SIPA1L2: variants seen among roughly 807,000 people sequenced by gnomAD.
SIPA1L2 encodes signal induced proliferation associated 1 like 2.
SIPA1L2 carries 56 observed loss-of-function variants against 163.9 expected under a neutral mutation model. The ratio of observed to expected loss-of-function variants is 0.34; its 90% confidence interval spans 0.28 to 0.43. SIPA1L2 has a LOEUF of 0.43. Among genes scored for constraint, SIPA1L2 ranks in the 20% least tolerant of loss-of-function variants. The pLI, the probability that SIPA1L2 is intolerant of heterozygous loss-of-function variation, is 1.00. For synonymous variants in SIPA1L2, 877 were observed against 865.7 expected (o/e 1.01, Z -0.23); for missense variants, 1,974 against 2,193.5 (o/e 0.90, Z 2.00).
At chr1:232,449,698 G>A (rs960502647) in intron 10 of SIPA1L2, among the ~76,000 whole-genome samples, 12 of 151,772 alleles carry the variant, frequency 7.9e-5, no homozygotes, top group African/African-American at 2.9e-4. Context: ...GGTCCAGAGA[G>A]TACCGAGCCC....
chr1:232,539,134 C>T (rs546190411), intron 2 of SIPA1L2, among the ~76,000 whole-genome samples: 1 of 152,342 alleles, frequency 6.6e-6, no homozygotes, highest in East Asian at 1.9e-4. Flanking sequence ...TTCACAATCT[C>T]CAGCCTTCTA....
intron 1 of SIPA1L2, among the ~76,000 whole-genome samples, chr1:232,584,280 A>AATAC (rs1460746271): frequency 6.6e-6 from 1 of 152,066 alleles, no homozygotes; most frequent in African/African-American, 2.4e-5. Flanking sequence ...GCTGGAGTAT[A>AATAC]GTGGTGCGAT....
intron 3 of SIPA1L2, among the ~76,000 whole-genome samples, chr1:232,496,507 T>A (rs1347950151): frequency 6.8e-6 from 1 of 146,890 alleles, no homozygotes; most frequent in Admixed American, 6.9e-5. Context: ...CCAGTGACAT[T>A]AAGCATACAT....
rs142520772 is a variant in SIPA1L2, at chr1:232,499,514, G to A, written c.1484-5854C>T. Among the ~76,000 whole-genome samples the A allele has an allele frequency of 8.9e-3, 1,354 of 152,354 alleles. 26 individuals carry two copies. The highest frequency in any genetic ancestry group is 0.032 in the African/African-American group (1,310 of 41,566). ...CAATTCTATGAAGGCTGACAGAGGTGAGGAAGGTGCAGAAGAAAAACTGGA... is the reference window on the plus strand; with the variant it reads ...CAATTCTATGAAGGCTGACAGAGGTAAGGAAGGTGCAGAAGAAAAACTGGA... On this transcript the variant is annotated intron_variant, in intron 3 of 22. Coordinates refer to ENST00000674635, the MANE Select transcript of SIPA1L2 (RefSeq NM_020808.5).
rs1660181697 is a variant in SIPA1L2, at chr1:232,399,132, A to AT, written c.5163dup (p.Ser1722IlefsTer96). On this transcript the variant is annotated frameshift_variant, in exon 23 of 23. Transcript: ENST00000674635. LOFTEE classifies it high-confidence loss of function. ...CTTGATGAGGTGCGGATTGGCTAAG[A>AT]TTTTTTGTCGATGGTGGTGAAAAAC... The AT allele has an allele frequency of 6.2e-7, 1 of 1,613,974 alleles. No homozygotes were observed.
chr1:232,474,287 T>C (rs1014030507), intron 7 of SIPA1L2, among the ~76,000 whole-genome samples: 1 of 152,204 alleles, frequency 6.6e-6, no homozygotes, highest in African/African-American at 2.4e-5. Flanking sequence ...TTGTATTAGA[T>C]AGATTTACAT....
chr1:232,560,096 A>G (rs1379478298), intron 2 of SIPA1L2, among the ~76,000 whole-genome samples: 1 of 152,232 alleles, frequency 6.6e-6, no homozygotes, highest in Non-Finnish European at 1.5e-5. Flanking sequence ...GAACTAACTC[A>G]GAACAGAAAT....
At chr1:232,529,250 G>A (rs932492608) in intron 2 of SIPA1L2, among the ~76,000 whole-genome samples, 1 of 152,110 alleles carries the variant, frequency 6.6e-6, no homozygotes, top group Non-Finnish European at 1.5e-5. Flanking sequence ...TGCTTGGAAT[G>A]TTTTTCTTCT....
intron 1 of SIPA1L2, among the ~76,000 whole-genome samples, chr1:232,576,174 T>A (rs1191939668): frequency 6.6e-6 from 1 of 152,206 alleles, no homozygotes; most frequent in Non-Finnish European, 1.5e-5. Context: ...AGGTATAAGG[T>A]GAACCTCATG....
intron 14 of SIPA1L2, among the ~76,000 whole-genome samples, chr1:232,440,178 G>A (rs1217145056): frequency 6.6e-6 from 1 of 152,190 alleles, no homozygotes; most frequent in Non-Finnish European, 1.5e-5. Flanking sequence ...GGGGTGGGGA[G>A]TCTCTGGAAG....
intron 3 of SIPA1L2, among the ~76,000 whole-genome samples, chr1:232,500,423 G>A (rs955164132): frequency 5.3e-5 from 8 of 152,226 alleles, no homozygotes; most frequent in African/African-American, 1.4e-4. Context: ...CATTCCAGAT[G>A]CCATTAAGAA....
chr1:232,520,526 A>T (rs1361040279), intron 2 of SIPA1L2, among the ~76,000 whole-genome samples: 1 of 152,240 alleles, frequency 6.6e-6, no homozygotes, highest in Non-Finnish European at 1.5e-5. Flanking sequence ...GTGAGTCTTT[A>T]AGACCAATAT....
At chr1:232,454,408 T>C (rs1251824998) in intron 10 of SIPA1L2, among the ~76,000 whole-genome samples, 3 of 152,202 alleles carry the variant, frequency 2.0e-5, no homozygotes, top group African/African-American at 4.8e-5. Flanking sequence ...GGTATCTTTG[T>C]ATCCCCAGTA....
At chr1:232,555,284 G>C in intron 2 of SIPA1L2, among the ~76,000 whole-genome samples, 1 of 152,210 alleles carries the variant, frequency 6.6e-6, no homozygotes, top group East Asian at 1.9e-4. Context: ...CAGAGTGGGA[G>C]AGCAGGTATT....
At chr1:232,564,877 T>C (rs2247721) in intron 2 of SIPA1L2, among the ~76,000 whole-genome samples, 62,765 of 151,720 alleles carry the variant, frequency 0.41, 14,721 homozygotes, top group African/African-American at 0.64. Context: ...GGGAGGGGAA[T>C]GACACACACT....
At chr1:232,471,641 C>G (rs1664807699) in intron 7 of SIPA1L2, 113 bp from the exon 8 acceptor site, 1 of 1,009,092 alleles carries the variant, frequency 9.9e-7, no homozygotes. Context: ...CACAGTCATT[C>G]TTTGGAAGTC....
intron 1 of SIPA1L2, among the ~76,000 whole-genome samples, chr1:232,622,821 A>G (rs960144752): frequency 6.6e-6 from 1 of 152,256 alleles, no homozygotes; most frequent in African/African-American, 2.4e-5. Context: ...TAGATCATGT[A>G]CAATAGAAAT....
intron 17 of SIPA1L2, among the ~76,000 whole-genome samples, chr1:232,427,268 TCACA>T (rs1478397666): frequency 6.6e-6 from 1 of 152,236 alleles, no homozygotes; most frequent in African/African-American, 2.4e-5. Flanking sequence ...GATTCCCTCC[TCACA>T]CACCACCAGC....
intron 2 of SIPA1L2, among the ~76,000 whole-genome samples, chr1:232,558,173 G>A (rs1400615851): frequency 6.6e-6 from 1 of 152,196 alleles, no homozygotes; most frequent in Non-Finnish European, 1.5e-5. Flanking sequence ...ACACTTCAAA[G>A]AGCAAGAAGC....
Sources: allele counts gnomAD v4.1 joint callset (sites outside exome capture counted in the v4.1 genomes callset), GRCh38; gene constraint gnomAD v4.1.1; transcripts MANE v1.5; gene names NCBI Gene and HGNC (gene_info 2026-07-23, HGNC 2026-07-21).